Variants in DCAF17 observed in about 807,000 individuals in gnomAD.
DCAF17 encodes DDB1 and CUL4 associated factor 17.
Under a neutral mutation model 66.0 loss-of-function variants are expected in DCAF17, and 48 were observed. The ratio of observed to expected loss-of-function variants is 0.73; its 90% CI spans 0.58 to 0.92. DCAF17 has a LOEUF of 0.92. DCAF17 is among the 40% of genes least tolerant of loss of function. The pLI is 0.00. For missense variants in DCAF17, 562 were observed against 622.8 expected (o/e 0.90, Z 1.04); for synonymous variants, 206 against 214.6 (o/e 0.96, Z 0.35).
chr2:171,434,386 G>A lies in DCAF17; in HGVS notation c.-192G>A, dbSNP rs776039653. 1.1e-6 allele frequency: 1 copy of A among 941,722 alleles called. No individual in the cohort carries two copies. Among genetic ancestry groups the A allele is most frequent in the South Asian group, 1.4e-5 (1 of 71,726 alleles). 58.3% of individuals were successfully genotyped at this position (941,722 alleles called of 1,614,324 possible). A position where few individuals can be genotyped will look rare whatever the true frequency, so the allele number is the denominator to read the frequency against. Reference sequence around the variant, plus strand: ...TCTTCCCTTCTCTCCGCGCTCTGGCGGTGCAAGCGGCTCTGCTTTCCCTCG... The same window carrying A: ...TCTTCCCTTCTCTCCGCGCTCTGGCAGTGCAAGCGGCTCTGCTTTCCCTCG... On this transcript the variant is annotated 5_prime_UTR_variant, in exon 1 of 14. Coordinates refer to ENST00000375255, the MANE Select transcript of DCAF17 (RefSeq NM_025000.4).
At position 171,458,405 on chromosome 2, in the gene DCAF17, T is replaced by C. The variant is rs1015369709; in HGVS notation, c.766T>C (p.Cys256Arg). 1.2e-6 allele frequency: 2 copies of C among 1,614,122 alleles called. No homozygotes were observed. The highest frequency in any genetic ancestry group is 2.2e-5 in the East Asian group (1 of 44,868). Residue 256 changes from cysteine to arginine, a missense_variant, in exon 8 of 14, where the codon TGC becomes CGC. By Grantham distance (180) the Cys-to-Arg change is radical. Coordinates refer to ENST00000375255, the MANE Select transcript of DCAF17 (RefSeq NM_025000.4). ...ACAGAAACTTGACTTAGGGTGTGCA[T>C]GCAGATGGGGTGGGACTACTGGAAC... ...MQQKLDLGCA[C>R]RWGGTTGTVG...
rs554435887 is a variant in DCAF17 at position 171,479,170 on chromosome 2, C to T, written c.1267-868C>T. Among the ~76,000 whole-genome samples, 4 of 152,256 alleles carry T rather than the reference C, an allele frequency of 2.6e-5. No homozygotes were observed. The East Asian group carries it at 7.7e-4, about 29-fold the overall frequency. ...AATAAATCCATATAAATTTTTATGT[C>T]TTAGGGTGGTAAAGGCAGAAAATGT... On this transcript the variant is annotated intron_variant, in intron 12 of 13. Coordinates refer to ENST00000375255, the MANE Select transcript of DCAF17 (RefSeq NM_025000.4).
chr2:171,465,294 G>A (rs1462244679), intron 8 of DCAF17, among the ~76,000 whole-genome samples: 1 of 152,070 alleles, frequency 6.6e-6, no homozygotes, highest in Non-Finnish European at 1.5e-5. Context: ...TACACATGGA[G>A]TGATGTGTTC....
chr2:171,458,559 GT>G, intron 8 of DCAF17, 82 bp downstream of exon 8: 1 of 1,092,334 alleles, frequency 9.2e-7, no homozygotes, highest in Non-Finnish European at 1.4e-6. Flanking sequence ...TCATCCAAAT[GT>G]TTTTCTCATT....
chr2:171,434,254 AG>A lies in DCAF17; in HGVS notation c.-322del. The A allele has an allele frequency of 2.0e-6, 1 of 497,380 alleles. No individual in the cohort carries two copies. Among genetic ancestry groups the A allele is most frequent in the Non-Finnish European group, 3.9e-6 (1 of 255,628 alleles). The allele number at this position is 497,380 out of a possible 1,614,324, so 30.8% of individuals were successfully genotyped here. A position where few individuals can be genotyped will look rare whatever the true frequency, so the allele number is the denominator to read the frequency against. ...AAGCCGGGCTGCCTCACGAGGCACT[AG>A]GAACTACATTTCCCGGTGAGAGAGC... On this transcript the variant is annotated 5_prime_UTR_variant, in exon 1 of 14. Transcript: ENST00000375255.
chr2:171,473,249 C>A lies in DCAF17; in HGVS notation c.982-617C>A, dbSNP rs373863503. Among the ~76,000 whole-genome samples, 6 of 152,182 alleles carry A rather than the reference C, an allele frequency of 3.9e-5. No homozygotes were observed. In the South Asian group the frequency reaches 1.0e-3, roughly 26 times the overall value. On this transcript the variant is annotated intron_variant, in intron 9 of 13. Transcript: ENST00000375255. ...GAGAACTGCATGTGCATGATTATGG[C>A]AGAGTTATATAATGGAAAGTCCATG...
chr2:171,480,032 C>G lies in DCAF17; in HGVS notation c.1267-6C>G. 6.2e-7 allele frequency: 1 copy of G among 1,612,920 alleles called. No individual in the cohort carries two copies. The highest frequency in any genetic ancestry group is 8.5e-7 in the Non-Finnish European group (1 of 1,179,488). Reference sequence around the variant, plus strand: ...TTTCCCTCTATTTTATCTATCTATCCCAAAGACTTTCAAAATTGTGGACTA... The same window carrying G: ...TTTCCCTCTATTTTATCTATCTATCGCAAAGACTTTCAAAATTGTGGACTA... On this transcript the variant is annotated splice_region_variant and splice_polypyrimidine_tract_variant and intron_variant, in intron 12 of 13. Coordinates refer to ENST00000375255, the MANE Select transcript of DCAF17 (RefSeq NM_025000.4).
intron 5 of DCAF17, among the ~76,000 whole-genome samples, chr2:171,450,960 C>G (rs1458263346): frequency 6.6e-6 from 1 of 151,816 alleles, no homozygotes; most frequent in Non-Finnish European, 1.5e-5. Flanking sequence ...AGTCCCTGCT[C>G]TTATGCACTG....
rs140661531 is a variant in DCAF17 at position 171,464,641 on chromosome 2, C to A, written c.839-4247C>A. ...TATCTTTTGAGGGAACACAAGTCAA[C>A]TCACAACAGAGACCCAGATCTAGTT... On this transcript the variant is annotated intron_variant, in intron 8 of 13. Coordinates refer to ENST00000375255, the MANE Select transcript of DCAF17 (RefSeq NM_025000.4). 2.8e-3 allele frequency among the ~76,000 whole-genome samples: 433 copies of A among 152,328 alleles called. 4 individuals are homozygous for A. The highest frequency in any genetic ancestry group is 1.0e-2 in the African/African-American group (415 of 41,566).
At chr2:171,435,587 C>G (rs950312414) in intron 2 of DCAF17, among the ~76,000 whole-genome samples, 2 of 150,050 alleles carry the variant, frequency 1.3e-5, no homozygotes, top group African/African-American at 2.5e-5. Context: ...CAAACAAAAG[C>G]CTAGTATTTA....
chr2:171,483,128 A>G lies in DCAF17; in HGVS notation c.*2014A>G, dbSNP rs949519645. The G allele has an allele frequency of 2.2e-6, 1 of 454,116 alleles. No individual in the cohort carries two copies. Among genetic ancestry groups the G allele is most frequent in the Non-Finnish European group, 4.4e-6 (1 of 226,792 alleles). The allele number at this position is 454,116 out of a possible 1,614,324, so 28.1% of individuals were successfully genotyped here. A position where few individuals can be genotyped will look rare whatever the true frequency, so the allele number is the denominator to read the frequency against. ...CAGAAGATAGCAAAGAATGTGGGGA[A>G]TTTGGATACCACACATAGCGAGAGA... On this transcript the variant is annotated 3_prime_UTR_variant, in exon 14 of 14. Transcript: ENST00000375255.
At chr2:171,463,224 T>TAAAA (rs945893879) in intron 8 of DCAF17, among the ~76,000 whole-genome samples, 10 of 137,686 alleles carry the variant, frequency 7.3e-5, no homozygotes, top group Non-Finnish European at 9.5e-5. Flanking sequence ...AGCGAGATTT[T>TAAAA]AAAAAAAAAA....
At chr2:171,469,144 A>G in intron 9 of DCAF17, 114 bp downstream of exon 9, 1 of 1,171,180 alleles carries the variant, frequency 8.5e-7, no homozygotes, top group Non-Finnish European at 1.2e-6. Flanking sequence ...TGTATTAACA[A>G]TTTGCAAACA....
In DCAF17 at chr2:171,484,959, GT is replaced by G; in HGVS notation, c.*3848del. 1 of 453,972 alleles carries G rather than the reference GT, an allele frequency of 2.2e-6. No individual in the cohort carries two copies. Among genetic ancestry groups the G allele is most frequent in the Non-Finnish European group, 4.4e-6 (1 of 226,738 alleles). 28.1% of individuals were successfully genotyped at this position (453,972 alleles called of 1,614,324 possible). On this transcript the variant is annotated 3_prime_UTR_variant, in exon 14 of 14. Transcript: ENST00000375255. ...TATTCTTTCGTATGAATATATCACAGTTTGTTTTTTTATCTTTCTGTTGATG... is the reference window on the plus strand; with the variant it reads ...TATTCTTTCGTATGAATATATCACAGTTGTTTTTTTATCTTTCTGTTGATG...
intron 6 of DCAF17, among the ~76,000 whole-genome samples, chr2:171,457,516 A>C (rs560036514): frequency 6.6e-6 from 1 of 152,226 alleles, no homozygotes; most frequent in African/African-American, 2.4e-5. Context: ...ATGAAAGACT[A>C]TCCAGGGGCT....
At chr2:171,479,961 C>T in intron 12 of DCAF17, 77 bp from the exon 13 acceptor site, 4 of 1,514,114 alleles carry the variant, frequency 2.6e-6, no homozygotes, top group South Asian at 2.3e-5. Flanking sequence ...AATACTTAAA[C>T]TATAAATACA....
chr2:171,456,197 T>C (rs891834049), intron 6 of DCAF17, among the ~76,000 whole-genome samples: 1 of 152,230 alleles, frequency 6.6e-6, no homozygotes, highest in African/African-American at 2.4e-5. Flanking sequence ...GCGTATGGTG[T>C]AAGGAAGGGG....
intron 8 of DCAF17, among the ~76,000 whole-genome samples, chr2:171,463,194 C>T (rs912388970): frequency 1.3e-5 from 2 of 149,220 alleles, no homozygotes; most frequent in African/African-American, 5.0e-5. Context: ...TGCGCCACTG[C>T]ACTCCAGCCT....
chr2:171,451,565 A>C (rs1694954317), intron 5 of DCAF17, among the ~76,000 whole-genome samples: 1 of 152,144 alleles, frequency 6.6e-6, no homozygotes, highest in South Asian at 2.1e-4. Flanking sequence ...GCTAAAGAGC[A>C]AGAATTTTTG....
Sources: allele counts gnomAD v4.1 joint callset (sites outside exome capture counted in the v4.1 genomes callset), GRCh38; gene constraint gnomAD v4.1.1; transcripts MANE v1.5; gene names NCBI Gene and HGNC (gene_info 2026-07-23, HGNC 2026-07-21).